The following TRMT9B variants were observed in gnomAD, a reference collection of about 807,000 sequenced individuals.
TRMT9B encodes the protein probable tRNA methyltransferase 9B.
A neutral mutation model predicts 11.5 loss-of-function variants in TRMT9B; 16 were observed. That is an observed-to-expected ratio of 1.39 (90% CI 0.94 to 2.11). The LOEUF is 2.11. Ranked by LOEUF, TRMT9B falls within the 30% of genes most tolerant of loss-of-function variation. The pLI is 0.00. For synonymous variants in TRMT9B, 274 were observed against 192.4 expected (o/e 1.42, Z -3.51); for missense variants, 941 against 553.8 (o/e 1.70, Z -7.02).
chr8:13,006,713 G>T, intron 3 of TRMT9B: 2 of 1,215,902 alleles, frequency 1.6e-6, no homozygotes, highest in Non-Finnish European at 2.1e-6. Context: ...TTGTCAACCA[G>T]ATTGGAGTGC....
At chr8:12,972,429 C>T (rs1447342856) in intron 1 of TRMT9B, among the ~76,000 whole-genome samples, 1 of 152,050 alleles carries the variant, frequency 6.6e-6, no homozygotes, top group African/African-American at 2.4e-5. Context: ...AAGAGCTAGT[C>T]CTGGGAAAGT....
chr8:13,014,395 G>T (rs1349494604), intron 4 of TRMT9B, among the ~76,000 whole-genome samples: 1 of 152,178 alleles, frequency 6.6e-6, no homozygotes, highest in Non-Finnish European at 1.5e-5. Context: ...GGTTCTGGTA[G>T]GGACCCTCCT....
At chr8:12,949,307 G>C (rs1284587779) in intron 1 of TRMT9B, among the ~76,000 whole-genome samples, 1 of 151,784 alleles carries the variant, frequency 6.6e-6, no homozygotes, top group Non-Finnish European at 1.5e-5. Context: ...AGAAAATAAT[G>C]CAATAAACCC....
intron 1 of TRMT9B, among the ~76,000 whole-genome samples, chr8:12,963,448 C>T (rs1802407912): frequency 6.6e-6 from 1 of 151,618 alleles, no homozygotes; most frequent in African/African-American, 2.4e-5. Flanking sequence ...CAAAACAAAA[C>T]AGAAAAACAC....
chr8:12,989,734 C>G (rs894599057), intron 1 of TRMT9B, among the ~76,000 whole-genome samples: 2 of 152,194 alleles, frequency 1.3e-5, no homozygotes, highest in African/African-American at 4.8e-5. Context: ...GTCATAGGGA[C>G]TCAGTTAGCA....
Position 13,002,884 on chromosome 8 carries a change from C to G in TRMT9B, c.-1-3318C>G, listed in dbSNP as rs527302017. Among the ~76,000 whole-genome samples, 34 of 152,248 alleles carry G rather than the reference C, an allele frequency of 2.2e-4. 1 individual carries two copies. The South Asian group carries it at 6.4e-3, about 29-fold the overall frequency. The stretch of plus-strand genomic sequence containing the variant: ...AGAGGCTGTCCAGGGACAGTATCTT[C>G]TCTCCAGTTACACTCCCATCTGCCA... On this transcript the variant is annotated intron_variant, in intron 2 of 4. Transcript: ENST00000524591.
intron 1 of TRMT9B, among the ~76,000 whole-genome samples, chr8:12,988,377 A>T (rs1806702325): frequency 6.6e-6 from 1 of 150,610 alleles, no homozygotes; most frequent in Admixed American, 6.6e-5. Flanking sequence ...ATAACACAAA[A>T]TGATTATTTT....
intron 1 of TRMT9B, among the ~76,000 whole-genome samples, chr8:12,986,050 C>T (rs4831857): frequency 0.013 from 1,974 of 152,098 alleles, 130 homozygotes; most frequent in Admixed American, 0.1. Context: ...TTAGTAGAGA[C>T]GGGGTTTCAC....
Position 13,027,272 on chromosome 8 carries a change from T to C in TRMT9B, c.*5228T>C, listed in dbSNP as rs544317332. ...GACCCACAGGTGCCAAGCTGAAACA[T>C]TCTTCGTATTCCCTGTGTGCCTATT... On this transcript the variant is annotated 3_prime_UTR_variant, in exon 5 of 5. Transcript: ENST00000524591. The C allele has an allele frequency of 3.0e-5, 5 of 167,036 alleles. No individual in the cohort carries two copies. Among genetic ancestry groups the C allele is most frequent in the African/African-American group, 1.2e-4 (5 of 41,458 alleles). 10.3% of individuals were successfully genotyped at this position (167,036 alleles called of 1,614,324 possible).
intron 2 of TRMT9B, among the ~76,000 whole-genome samples, chr8:12,998,868 T>A (rs544825986): frequency 6.6e-6 from 1 of 152,322 alleles, no homozygotes; most frequent in African/African-American, 2.4e-5. Flanking sequence ...CTGGAAAAAC[T>A]TGGGAAAAAA....
At chr8:12,967,702 C>G (rs2977140) in intron 1 of TRMT9B, among the ~76,000 whole-genome samples, 47,495 of 152,022 alleles carry the variant, frequency 0.31, 8,010 homozygotes, top group East Asian at 0.62. Context: ...AATTACTCAT[C>G]CACTTAAAAT....
intron 1 of TRMT9B, among the ~76,000 whole-genome samples, chr8:12,954,709 T>C (rs1801075924): frequency 1.3e-5 from 2 of 152,256 alleles, no homozygotes; most frequent in Non-Finnish European, 2.9e-5. Context: ...TTAAATGTCC[T>C]TCAGCTTTTG....
intron 1 of TRMT9B, among the ~76,000 whole-genome samples, chr8:12,948,478 T>G (rs1800373163): frequency 1.3e-5 from 2 of 148,218 alleles, no homozygotes; most frequent in African/African-American, 4.9e-5. Context: ...TACAATAATT[T>G]ATATTATATA....
intron 4 of TRMT9B, among the ~76,000 whole-genome samples, chr8:13,013,375 C>T (rs747833294): frequency 1.3e-4 from 20 of 152,074 alleles, no homozygotes; most frequent in Non-Finnish European, 2.8e-4. Flanking sequence ...TTTATAATGC[C>T]ACTCTGCTCA....
At chr8:12,969,133 G>A (rs954376292) in intron 1 of TRMT9B, among the ~76,000 whole-genome samples, 1 of 152,146 alleles carries the variant, frequency 6.6e-6, no homozygotes, top group Middle Eastern at 3.2e-3. Context: ...GAATCGCTTG[G>A]AAGGTGGAGA....
intron 3 of TRMT9B, 150 bp from the exon 4 acceptor site, chr8:13,012,534 C>T: frequency 9.9e-7 from 1 of 1,006,006 alleles, no homozygotes; most frequent in Non-Finnish European, 1.4e-6. Context: ...GAGATTGCGC[C>T]ACTGCACTCC....
chr8:12,966,394 G>T (rs563234014), intron 1 of TRMT9B, among the ~76,000 whole-genome samples: 1 of 152,026 alleles, frequency 6.6e-6, no homozygotes, highest in Admixed American at 6.6e-5. Flanking sequence ...ATACTTTGTC[G>T]TCTTTATTGA....
At chr8:12,976,973 G>T (rs1029394805) in intron 1 of TRMT9B, among the ~76,000 whole-genome samples, 1 of 152,198 alleles carries the variant, frequency 6.6e-6, no homozygotes, top group Non-Finnish European at 1.5e-5. Context: ...GCCTATGCCT[G>T]CTCATGCCCC....
In TRMT9B at chr8:13,021,313, T is replaced by A. The variant is rs373380718; in HGVS notation, c.634T>A (p.Ser212Thr). The stretch of plus-strand genomic sequence containing the variant: ...TAAAGAGCAGTGTGGTTCAAAACGG[T>A]CCCACAGCGTGGGCTATGAACCTGC... Reference protein sequence around the residue: ...CFKEQCGSKRSHSVGYEPAMA... With the variant: ...CFKEQCGSKRTHSVGYEPAMA... Residue 212 changes from serine to threonine, a missense_variant, in exon 5 of 5, where the codon TCC (serine) becomes ACC (threonine). Ser to Thr is a moderately conservative substitution (Grantham distance 58). Coordinates refer to ENST00000524591, the MANE Select transcript of TRMT9B (RefSeq NM_020844.3). 3.8e-5 allele frequency: 61 copies of A among 1,613,900 alleles called. No homozygotes were observed. Among genetic ancestry groups the A allele is most frequent in the Non-Finnish European group, 5.2e-5 (61 of 1,179,904 alleles).
Sources: allele counts gnomAD v4.1 joint callset (sites outside exome capture counted in the v4.1 genomes callset), GRCh38; gene constraint gnomAD v4.1.1; transcripts MANE v1.5; gene names NCBI Gene and HGNC (gene_info 2026-07-23, HGNC 2026-07-21).